Variants in PPP1R14C observed in about 807,000 individuals in gnomAD.
PPP1R14C encodes the protein protein phosphatase 1 regulatory subunit 14C.
Under a neutral mutation model 20.4 loss-of-function variants are expected in PPP1R14C, and 16 were observed. The observed-to-expected ratio is 0.78, with a 90% confidence interval of 0.53 to 1.19. PPP1R14C has a LOEUF of 1.19. PPP1R14C is among the 50% of genes most tolerant of loss of function. The pLI, the probability that PPP1R14C is intolerant of heterozygous loss-of-function variation, is 0.00. For synonymous variants in PPP1R14C, 91 were observed against 91.0 expected (o/e 1.00, Z 0.00); for missense variants, 211 against 220.1 (o/e 0.96, Z 0.26).
chr6:150,235,916 C>T (rs558149885), intron 3 of PPP1R14C, among the ~76,000 whole-genome samples: 30 of 152,254 alleles, frequency 2.0e-4, no homozygotes, highest in Non-Finnish European at 1.8e-4. Context: ...TTCGTCCCTC[C>T]TCCCATACTG....
rs570786341 is a variant in PPP1R14C at position 150,180,121 on chromosome 6, G to A, written c.307-34623G>A. 4.6e-5 allele frequency among the ~76,000 whole-genome samples: 7 copies of A among 152,326 alleles called. No homozygotes were observed. In the East Asian group the frequency reaches 1.4e-3, roughly 29 times the overall value. ...GGAAGCTGAGGCGTGAGAATCACTT[G>A]AACCTGGGATCTGAAGGTTGCAGTG... On this transcript the variant is annotated intron_variant, in intron 1 of 3. Transcript: ENST00000361131.
intron 3 of PPP1R14C, among the ~76,000 whole-genome samples, chr6:150,233,720 T>C (rs990896706): frequency 3.9e-5 from 6 of 152,234 alleles, no homozygotes; most frequent in African/African-American, 7.2e-5. Flanking sequence ...TTGATTGCCA[T>C]GCCTTTGAGT....
intron 1 of PPP1R14C, among the ~76,000 whole-genome samples, chr6:150,214,360 T>C (rs1317824111): frequency 6.6e-6 from 1 of 152,214 alleles, no homozygotes; most frequent in African/African-American, 2.4e-5. Context: ...TGCAGCTTAA[T>C]GCTAGAAAGT....
At position 150,143,076 on chromosome 6, in the gene PPP1R14C, A is replaced by C. The variant is rs926174502; in HGVS notation, c.-117A>C. 1.8e-6 allele frequency: 2 copies of C among 1,099,728 alleles called. No individual in the cohort carries two copies. Among genetic ancestry groups the C allele is most frequent in the African/African-American group, 3.4e-5 (2 of 59,662 alleles). The allele number at this position is 1,099,728 out of a possible 1,614,324, so 68.1% of individuals were successfully genotyped here. A position where few individuals can be genotyped will look rare whatever the true frequency, so the allele number is the denominator to read the frequency against. On this transcript the variant is annotated 5_prime_UTR_variant, in exon 1 of 4. Transcript: ENST00000361131. The surrounding 1 kb of genome is among the most constrained non-coding windows in gnomAD (Gnocchi z 5.6). ...CCGGGCGGCTGGGCGCGCGCGGCGC[A>C]GAGCAGGTGCCGGGGAGCCCTTCGC...
intron 3 of PPP1R14C, among the ~76,000 whole-genome samples, chr6:150,244,239 A>G (rs1397323068): frequency 2.6e-5 from 4 of 151,180 alleles, no homozygotes; most frequent in Non-Finnish European, 5.9e-5. Flanking sequence ...TCTCTCATCT[A>G]AGACACACTG....
intron 3 of PPP1R14C, among the ~76,000 whole-genome samples, chr6:150,217,551 C>T (rs1778110995): frequency 1.3e-5 from 2 of 151,918 alleles, no homozygotes; most frequent in Non-Finnish European, 2.9e-5. Context: ...AAAGAGTTAC[C>T]TTTATTGGGA....
At chr6:150,242,420 G>A (rs529956569) in intron 3 of PPP1R14C, among the ~76,000 whole-genome samples, 2 of 152,228 alleles carry the variant, frequency 1.3e-5, no homozygotes, top group East Asian at 1.9e-4. Flanking sequence ...TTTAACATTC[G>A]AAAATCAATG....
intron 1 of PPP1R14C, among the ~76,000 whole-genome samples, chr6:150,159,613 C>A (rs1777342661): frequency 1.1e-5 from 1 of 88,012 alleles, no homozygotes; most frequent in South Asian, 5.2e-4. Context: ...CTCTGCCAGG[C>A]ATTCTTTTTT....
chr6:150,240,399 CG>C (rs1778417493), intron 3 of PPP1R14C, among the ~76,000 whole-genome samples: 1 of 152,308 alleles, frequency 6.6e-6, no homozygotes, highest in African/African-American at 2.4e-5. Context: ...TTTGCTGAAA[CG>C]AAGGTACGCC....
In PPP1R14C at chr6:150,175,803, A is replaced by G. The variant is rs542598171; in HGVS notation, c.306+32305A>G. Among the ~76,000 whole-genome samples, 3 of 152,340 alleles carry G rather than the reference A, an allele frequency of 2.0e-5. No individual in the cohort carries two copies. The East Asian group carries it at 5.8e-4, about 29-fold the overall frequency. On this transcript the variant is annotated intron_variant, in intron 1 of 3. Transcript: ENST00000361131. Reference sequence around the variant, plus strand: ...GGTGTTTTCTCAGCAGAACCAGTTAAAATAAAACCTAGATGTCATATCCCA... The same window carrying G: ...GGTGTTTTCTCAGCAGAACCAGTTAGAATAAAACCTAGATGTCATATCCCA...
At chr6:150,205,610 T>A (rs1474415052) in intron 1 of PPP1R14C, among the ~76,000 whole-genome samples, 1 of 152,014 alleles carries the variant, frequency 6.6e-6, no homozygotes, top group Non-Finnish European at 1.5e-5. Flanking sequence ...CTGGCCAACA[T>A]GGTGATACCC....
chr6:150,242,686 C>T (rs988330268), intron 3 of PPP1R14C, among the ~76,000 whole-genome samples: 1 of 152,142 alleles, frequency 6.6e-6, no homozygotes, highest in South Asian at 2.1e-4. Flanking sequence ...TTATTCAACA[C>T]AGTATTGCAG....
intron 1 of PPP1R14C, among the ~76,000 whole-genome samples, chr6:150,186,244 G>A (rs767199462): frequency 2.0e-5 from 3 of 152,120 alleles, no homozygotes; most frequent in Non-Finnish European, 4.4e-5. Flanking sequence ...GCAAACAGGC[G>A]GTTCCTCTAG....
At chr6:150,186,321 G>A (rs1777676522) in intron 1 of PPP1R14C, among the ~76,000 whole-genome samples, 1 of 152,260 alleles carries the variant, frequency 6.6e-6, no homozygotes, top group African/African-American at 2.4e-5. Context: ...TTCCACTGTT[G>A]GTCTGAAGAG....
chr6:150,222,765 CTTTTTTTTTTTTTT>C (rs4038164), intron 3 of PPP1R14C, among the ~76,000 whole-genome samples: 1 of 71,278 alleles, frequency 1.4e-5, no homozygotes, highest in African/African-American at 5.9e-5. Context: ...TTCAAACTGG[CTTTTTTTTTTTTTT>C]TTTTTTTTTT....
chr6:150,240,610 G>C (rs913563465), intron 3 of PPP1R14C, among the ~76,000 whole-genome samples: 4 of 152,204 alleles, frequency 2.6e-5, no homozygotes, highest in African/African-American at 9.7e-5. Flanking sequence ...ATGAAGGCTA[G>C]GCCTGTGACC....
At chr6:150,158,140 G>A (rs1777325522) in intron 1 of PPP1R14C, among the ~76,000 whole-genome samples, 1 of 151,852 alleles carries the variant, frequency 6.6e-6, no homozygotes, top group Admixed American at 6.6e-5. Flanking sequence ...AGAAATTTTG[G>A]GGATTAATAA....
At chr6:150,205,542 A>ATC (rs1777937565) in intron 1 of PPP1R14C, among the ~76,000 whole-genome samples, 1 of 152,090 alleles carries the variant, frequency 6.6e-6, no homozygotes. Flanking sequence ...AAATATATAT[A>ATC]TCATGCTTGG....
At chr6:150,197,698 T>A (rs1777822050) in intron 1 of PPP1R14C, among the ~76,000 whole-genome samples, 2 of 151,040 alleles carry the variant, frequency 1.3e-5, no homozygotes, top group Non-Finnish European at 2.9e-5. Flanking sequence ...AGGGCCTGGA[T>A]GCCCGGCTTT....
Sources: gnomAD v4.1 joint callset for allele counts (sites outside exome capture counted in the v4.1 genomes callset) on GRCh38, gnomAD v4.1.1 for gene constraint, Gnocchi (gnomAD v3.1) non-coding constraint, MANE v1.5 for transcripts, NCBI Gene and HGNC (gene_info 2026-07-23, HGNC 2026-07-21) for gene names.